Variants in UBE2R2 observed in about 807,000 individuals in gnomAD.
UBE2R2 encodes ubiquitin conjugating enzyme E2 R2, also known as ubiquitin-conjugating enzyme E2 R2.
In UBE2R2, 1 loss-of-function variant was observed where a neutral mutation model predicts 27.8. The observed-to-expected ratio is 0.04, with a 90% CI of 0.01 to 0.17. The LOEUF (loss-of-function observed/expected upper bound fraction) is 0.17. UBE2R2 is among the 10% of genes least tolerant of loss of function. The pLI is 1.00. For missense variants in UBE2R2, 100 were observed against 291.0 expected, an observed-to-expected ratio of 0.34 and a Z score of 4.78; for synonymous variants, 106 against 113.3, an observed-to-expected ratio of 0.94 and a Z score of 0.41.
chr9:33,872,507 C>T (rs1459437466), intron 1 of UBE2R2, among the ~76,000 whole-genome samples: 4 of 152,178 alleles, frequency 2.6e-5, no homozygotes. Context: ...AATCGAGGCA[C>T]CAGGCATGGT....
upstream of UBE2R2, among the ~76,000 whole-genome samples, chr9:33,816,279 G>C (rs3814512): frequency 2.5e-4 from 38 of 152,188 alleles, no homozygotes; most frequent in East Asian, 6.2e-3. Context: ...ACCACGGGGG[G>C]ACCAAAGACT....
chr9:33,905,898 G>A (rs1430745751), intron 3 of UBE2R2, among the ~76,000 whole-genome samples: 1 of 152,196 alleles, frequency 6.6e-6, no homozygotes, highest in African/African-American at 2.4e-5. Flanking sequence ...AAGAGTGGTA[G>A]TAACAGTATG....
At chr9:33,848,884 A>T (rs911166543) in intron 1 of UBE2R2, among the ~76,000 whole-genome samples, 4 of 151,888 alleles carry the variant, frequency 2.6e-5, no homozygotes, top group African/African-American at 7.3e-5. Flanking sequence ...GATTACATGC[A>T]TGAGCTACCA....
At chr9:33,832,942 G>A (rs1414595206) in intron 1 of UBE2R2, among the ~76,000 whole-genome samples, 1 of 152,126 alleles carries the variant, frequency 6.6e-6, no homozygotes, top group Non-Finnish European at 1.5e-5. Flanking sequence ...TTGTCTATGT[G>A]AGAAGAAAAT....
rs184856095 is a variant in UBE2R2 at position 33,865,729 on chromosome 9, A to C, written c.178-21152A>C. ...TAGTTCCGGTTGAACCATGTCATAC[A>C]CCATTATTACCTTTTCTTTCACATG... On this transcript the variant is annotated intron_variant, in intron 1 of 4. Coordinates refer to ENST00000263228, the MANE Select transcript of UBE2R2 (RefSeq NM_017811.4). Among the ~76,000 whole-genome samples the C allele has an allele frequency of 4.6e-5, 7 of 152,086 alleles. No homozygotes were observed. In the East Asian group the frequency reaches 1.4e-3, roughly 29 times the overall value.
intron 1 of UBE2R2, among the ~76,000 whole-genome samples, chr9:33,837,409 A>AGCT (rs1385579359): frequency 1.4e-5 from 2 of 144,080 alleles, no homozygotes; most frequent in Non-Finnish European, 3.0e-5. Flanking sequence ...CAGTTTAGGC[A>AGCT]GCTGCTGCTT....
At chr9:33,891,671 CA>C (rs1821990751) in intron 2 of UBE2R2, among the ~76,000 whole-genome samples, 1 of 151,906 alleles carries the variant, frequency 6.6e-6, no homozygotes, top group South Asian at 2.1e-4. Flanking sequence ...ATAAATAAAT[CA>C]AAAGACAAGC....
chr9:33,820,144 A>G (rs1443551819), intron 1 of UBE2R2, among the ~76,000 whole-genome samples: 1 of 152,226 alleles, frequency 6.6e-6, no homozygotes, highest in Non-Finnish European at 1.5e-5. Context: ...CATGAGAGAA[A>G]ATAATGGGTT....
intron 1 of UBE2R2, among the ~76,000 whole-genome samples, chr9:33,829,089 T>C (rs1011768170): frequency 6.6e-6 from 1 of 152,058 alleles, no homozygotes; most frequent in Non-Finnish European, 1.5e-5. Context: ...CAGGCTGGGA[T>C]TGAATTTACC....
chr9:33,859,799 T>A (rs58006191), intron 1 of UBE2R2, among the ~76,000 whole-genome samples: 2,822 of 86,424 alleles, frequency 0.033, 104 homozygotes, highest in African/African-American at 0.11. Context: ...TGTGTGTGTG[T>A]GAGAGAGAGA....
chr9:33,833,804 C>G (rs1005397361), intron 1 of UBE2R2, among the ~76,000 whole-genome samples: 1 of 152,166 alleles, frequency 6.6e-6, no homozygotes, highest in African/African-American at 2.4e-5. Flanking sequence ...ATTTTTCCCC[C>G]TTGCCTTCAT....
intron 1 of UBE2R2, among the ~76,000 whole-genome samples, chr9:33,885,237 G>T (rs557085059): frequency 6.6e-6 from 1 of 152,020 alleles, no homozygotes; most frequent in East Asian, 1.9e-4. Context: ...CTGGGCATGT[G>T]CATAGCTCTA....
intron 1 of UBE2R2, among the ~76,000 whole-genome samples, chr9:33,862,506 T>C (rs557712539): frequency 6.6e-6 from 1 of 152,312 alleles, no homozygotes; most frequent in South Asian, 2.1e-4. Context: ...TTTGGCTGAA[T>C]TACATGCCGT....
chr9:33,824,514 A>G (rs1444668932), intron 1 of UBE2R2, among the ~76,000 whole-genome samples: 1 of 151,940 alleles, frequency 6.6e-6, no homozygotes, highest in Non-Finnish European at 1.5e-5. Flanking sequence ...TGGTAGGCAC[A>G]TGTAGTCCCA....
At chr9:33,895,768 C>CTTTTTTTTTT (rs776870484) in intron 2 of UBE2R2, among the ~76,000 whole-genome samples, 1 of 90,280 alleles carries the variant, frequency 1.1e-5, no homozygotes, top group African/African-American at 4.5e-5. Flanking sequence ...CTCTCTCTCT[C>CTTTTTTTTTT]TTTTTTTTTT....
chr9:33,872,616 G>A (rs1231505439), intron 1 of UBE2R2, among the ~76,000 whole-genome samples: 2 of 151,690 alleles, frequency 1.3e-5, no homozygotes, highest in East Asian at 2.0e-4. Context: ...GAGAAACCCC[G>A]TCTCTACTAA....
At chr9:33,915,941 TG>T (rs1261229898) in intron 4 of UBE2R2, among the ~76,000 whole-genome samples, 1 of 152,052 alleles carries the variant, frequency 6.6e-6, no homozygotes, top group East Asian at 1.9e-4. Flanking sequence ...CAGGCATGTG[TG>T]GGGCAGGGGA....
At chr9:33,876,638 G>A (rs145337834) in intron 1 of UBE2R2, among the ~76,000 whole-genome samples, 20,746 of 152,128 alleles carry the variant, frequency 0.14, 1,678 homozygotes, top group South Asian at 0.33. Flanking sequence ...TCATAAGGCC[G>A]GGGGCGGTGG....
chr9:33,906,867 T>A (rs1822368724), intron 3 of UBE2R2, among the ~76,000 whole-genome samples: 1 of 152,066 alleles, frequency 6.6e-6, no homozygotes, highest in Admixed American at 6.6e-5. Context: ...CGAGATTCCA[T>A]CTCTACCAAA....
Sources: gnomAD v4.1 joint callset for allele counts (sites outside exome capture counted in the v4.1 genomes callset) on GRCh38, gnomAD v4.1.1 for gene constraint, MANE v1.5 for transcripts, NCBI Gene and HGNC (gene_info 2026-07-23, HGNC 2026-07-21) for gene names.